The following MEST variants were observed in gnomAD, a reference collection of about 807,000 sequenced individuals.
MEST encodes mesoderm specific transcript.
A neutral mutation model predicts 50.9 loss-of-function variants in MEST; 18 were observed. The ratio of observed to expected loss-of-function variants is 0.35; its 90% confidence interval spans 0.24 to 0.52. The LOEUF is 0.52. MEST is among the 20% of genes least tolerant of loss of function. The pLI, the probability that MEST is intolerant of heterozygous loss-of-function variation, is 0.94. For synonymous variants in MEST, 130 were observed against 154.1 expected (o/e 0.84, Z 1.16); for missense variants, 282 against 425.3 (o/e 0.66, Z 2.96).
intron 2 of MEST, chr7:130,496,488 TC>T (rs1469880875): frequency 1.5e-5 from 4 of 275,332 alleles, no homozygotes; most frequent in Non-Finnish European, 2.7e-5. Context: ...ATATACCTGT[TC>T]TAATCCCATA....
chr7:130,498,579 A>G, intron 6 of MEST, 102 bp downstream of exon 6: 2 of 1,090,022 alleles, frequency 1.8e-6, no homozygotes, highest in Non-Finnish European at 2.8e-6. Context: ...TCAAGTAGAC[A>G]TAATTAAACT....
intron 2 of MEST, chr7:130,495,969 A>G: frequency 7.8e-6 from 3 of 385,696 alleles, no homozygotes; most frequent in East Asian, 8.1e-5. Flanking sequence ...TATGACCACT[A>G]CTTATCAAGT....
chr7:130,504,266 A>C (rs1453167120), intron 11 of MEST, among the ~76,000 whole-genome samples: 4 of 152,248 alleles, frequency 2.6e-5, no homozygotes, highest in Non-Finnish European at 5.9e-5. Context: ...AAAAGCTCTC[A>C]TGTGAGTCAA....
At chr7:130,502,536 C>T in intron 9 of MEST, 108 bp from the exon 10 acceptor site, 1 of 813,292 alleles carries the variant, frequency 1.2e-6, no homozygotes, top group Non-Finnish European at 2.0e-6. Flanking sequence ...TAAACTGCTT[C>T]TGGATTAAGA....
At position 130,497,052 on chromosome 7, in the gene MEST, G is replaced by T. The variant is rs755676112; in HGVS notation, c.182-104G>T. 475 of 859,732 alleles carry T rather than the reference G, an allele frequency of 5.5e-4. No individual in the cohort carries two copies. Among genetic ancestry groups the T allele is most frequent in the Non-Finnish European group, 3.2e-4 (178 of 559,382 alleles). 53.3% of individuals were successfully genotyped at this position (859,732 alleles called of 1,614,324 possible). On this transcript the variant is annotated intron_variant, in intron 2 of 11. Transcript: ENST00000223215. This position sits in a 1 kb window ranked among gnomAD's most constrained non-coding sequence, Gnocchi z 4.0. ...ATTGTGTCATTTTAATGTCAATTTG[G>T]TCACAGTTGCTTGTTCTTTGTATCA...
chr7:130,501,104 A>T, intron 9 of MEST: 1 of 438,588 alleles, frequency 2.3e-6, no homozygotes, highest in African/African-American at 2.0e-5. Context: ...CAAAGTATTG[A>T]ATCATGGTTG....
Position 130,500,818 on chromosome 7 carries a change from G to C in MEST, c.677G>C (p.Arg226Pro), listed in dbSNP as rs782529993. Residue 226 changes from arginine (R) to proline (P), a missense_variant, in exon 9 of 12, where the codon CGG (arginine) becomes CCG (proline). Physicochemically the swap from Arg to Pro is moderately radical, Grantham distance 103 (BLOSUM62 -2). Coordinates refer to ENST00000223215, the MANE Select transcript of MEST (RefSeq NM_002402.4). This position sits in a 1 kb window ranked among gnomAD's most constrained non-coding sequence, Gnocchi z 5.0. Reference sequence around the variant, plus strand: ...ACCCCAGTCTTTGGGCCGTATACTCGGCCCTCTGAGAGTGAGCTGTGGGAC... The same window carrying C: ...ACCCCAGTCTTTGGGCCGTATACTCCGCCCTCTGAGAGTGAGCTGTGGGAC... ...GLTPVFGPYT[R>P]PSESELWDMW... 9.9e-6 allele frequency: 16 copies of C among 1,613,456 alleles called. No individual in the cohort carries two copies. Among genetic ancestry groups the C allele is most frequent in the Non-Finnish European group, 1.3e-5 (15 of 1,179,848 alleles).
At position 130,492,146 on chromosome 7, in the gene MEST, TGCCGCAGCGCACGCCGGAGTGGCTGTA is replaced by T; in HGVS notation, c.-165_-139del. On this transcript the variant is annotated 5_prime_UTR_variant, in exon 1 of 12. Coordinates refer to ENST00000223215, the MANE Select transcript of MEST (RefSeq NM_002402.4). This position sits in a 1 kb window ranked among gnomAD's most constrained non-coding sequence, Gnocchi z 7.6. ...CGGCAGCTGCGCCTCGCAAGCGCAG[TGCCGCAGCGCACGCCGGAGTGGCTGTA>T]GCTGCCCGGCGCGGCGCCGCCCTGC... is the stretch of plus-strand genomic sequence containing the variant. 1 of 354,676 alleles carries T rather than the reference TGCCGCAGCGCACGCCGGAGTGGCTGTA, an allele frequency of 2.8e-6. No homozygotes were observed. Among genetic ancestry groups the T allele is most frequent in the East Asian group, 5.6e-5 (1 of 17,988 alleles). 22.0% of individuals were successfully genotyped at this position (354,676 alleles called of 1,614,324 possible). A position where few individuals can be genotyped will look rare whatever the true frequency, so the allele number is the denominator to read the frequency against.
At chr7:130,503,505 A>G (rs1799354750) in intron 10 of MEST, among the ~76,000 whole-genome samples, 2 of 152,330 alleles carry the variant, frequency 1.3e-5, no homozygotes, top group South Asian at 4.1e-4. Context: ...ACAAAAAATT[A>G]TTTATAGAAA....
Position 130,498,240 on chromosome 7 carries a change from C to T in MEST, c.441C>T (p.Asp147=). The T allele has an allele frequency of 6.2e-7, 1 of 1,614,186 alleles. No individual in the cohort carries two copies. Among genetic ancestry groups the T allele is most frequent in the South Asian group, 1.1e-5 (1 of 91,080 alleles). The change falls in exon 5 of 12, where the codon GAC becomes GAT. Residue 147 remains aspartate, a synonymous_variant. Transcript: ENST00000223215. ...QNRRINLLSH[D]YGDIVAQELL... ...GCAGGATCAACCTTCTTTCTCATGA[C>T]TATGGAGATATTGTTGCTCAGGAGC...
intron 10 of MEST, 30 bp from the exon 11 acceptor site, chr7:130,503,903 T>G: frequency 6.5e-7 from 1 of 1,540,228 alleles, no homozygotes; most frequent in Non-Finnish European, 9.0e-7. Flanking sequence ...TGAGAGCTGT[T>G]AAGTATTTCA....
At chr7:130,499,475 C>T (rs1799195311) in intron 6 of MEST, among the ~76,000 whole-genome samples, 5 of 152,186 alleles carry the variant, frequency 3.3e-5, no homozygotes, top group African/African-American at 1.2e-4. Flanking sequence ...GCCTGGTTAT[C>T]AGCATTTTGG....
In MEST at chr7:130,505,680, A is replaced by G. The variant is rs569702033; in HGVS notation, c.*624A>G. 1.3e-5 allele frequency: 2 copies of G among 152,336 alleles called. No homozygotes were observed. Among genetic ancestry groups the G allele is most frequent in the South Asian group, 2.1e-4 (1 of 4,830 alleles). 9.4% of individuals were successfully genotyped at this position (152,336 alleles called of 1,614,324 possible). On this transcript the variant is annotated 3_prime_UTR_variant, in exon 12 of 12. Coordinates refer to ENST00000223215, the MANE Select transcript of MEST (RefSeq NM_002402.4). ...AGACTATGATTTACCTATACATTAT[A>G]TATATTTTATAAAGATACTAAACCA...
chr7:130,500,558 G>T lies in MEST; in HGVS notation c.647+26G>T. 1 of 1,601,342 alleles carries T rather than the reference G, an allele frequency of 6.2e-7. No homozygotes were observed. The highest frequency in any genetic ancestry group is 8.5e-7 in the Non-Finnish European group (1 of 1,171,330). On this transcript the variant is annotated intron_variant, in intron 8 of 11. Transcript: ENST00000223215. This position sits in a 1 kb window ranked among gnomAD's most constrained non-coding sequence, Gnocchi z 5.0. ...GTAAGTGTCACTGTCAAAGATTGTG[G>T]CCTAGAGCAATGTCGTGAAAAGTTG...
upstream of MEST, chr7:130,489,040 C>G (rs1318376211): frequency 6.6e-6 from 1 of 152,090 alleles, no homozygotes; most frequent in African/African-American, 2.4e-5. Context: ...AGTGGCAGTC[C>G]CGGTTGTGTC....
At chr7:130,502,037 ATG>A (rs1201551207) in intron 9 of MEST, among the ~76,000 whole-genome samples, 1 of 151,848 alleles carries the variant, frequency 6.6e-6, no homozygotes, top group Non-Finnish European at 1.5e-5. Context: ...ACAGAAGATC[ATG>A]TGTTACAATC....
In MEST at chr7:130,504,924, G is replaced by A. The variant is rs1331953801; in HGVS notation, c.891-15G>A. ...CCAGCCTCAAGTTCACCTGCGTGCT[G>A]TTCTCTTCCACTAGGAAAACGCTGC... On this transcript the variant is annotated splice_polypyrimidine_tract_variant and intron_variant, in intron 11 of 11. Coordinates refer to ENST00000223215, the MANE Select transcript of MEST (RefSeq NM_002402.4). The A allele has an allele frequency of 3.7e-6, 6 of 1,608,142 alleles. No homozygotes were observed. Among genetic ancestry groups the A allele is most frequent in the African/African-American group, 1.3e-5 (1 of 74,798 alleles).
chr7:130,498,180 G>A lies in MEST; in HGVS notation c.381G>A (p.Val127=), dbSNP rs1554437596. The change falls in exon 5 of 12, where the codon GTG becomes GTA. Residue 127 remains valine, a synonymous_variant. Transcript: ENST00000223215. ...HYSIFEQASI[V]EALLRHLGLQ... is the part of the protein sequence containing the mutation. The stretch of plus-strand genomic sequence containing the variant: ...CCATATTTGAGCAGGCCAGCATCGT[G>A]GAAGCGCTTTTGCGGCATCTGGGGC... 1.9e-6 allele frequency: 3 copies of A among 1,614,124 alleles called. No homozygotes were observed. The Middle Eastern group carries it at 4.9e-4, about 266-fold the overall frequency.
upstream of MEST, chr7:130,491,108 A>G (rs1466521653): frequency 2.0e-5 from 3 of 152,286 alleles, no homozygotes; most frequent in African/African-American, 7.2e-5. This position sits in a 1 kb window ranked among gnomAD's most constrained non-coding sequence, Gnocchi z 6.8. Flanking sequence ...GTTTACGGTC[A>G]GAAAATGAAC....
Sources: gnomAD v4.1 joint callset for allele counts (sites outside exome capture counted in the v4.1 genomes callset) on GRCh38, gnomAD v4.1.1 for gene constraint, Gnocchi (gnomAD v3.1) non-coding constraint, MANE v1.5 for transcripts, NCBI Gene and HGNC (gene_info 2026-07-23, HGNC 2026-07-21) for gene names.